The following IKZF1 variants were observed in gnomAD, a reference collection of about 807,000 sequenced individuals.
IKZF1 encodes the protein DNA-binding protein Ikaros.
In IKZF1, 10 loss-of-function variants were observed where a neutral mutation model predicts 51.7. The ratio of observed to expected loss-of-function variants is 0.19; its 90% CI spans 0.12 to 0.33. The LOEUF (loss-of-function observed/expected upper bound fraction) is 0.33. Among genes scored for constraint, IKZF1 ranks in the 10% least tolerant of loss-of-function variants. The probability of loss-of-function intolerance (pLI) is 1.00; values close to 1 mark genes in which losing one functional copy is unlikely to be tolerated. For synonymous variants in IKZF1, 280 were observed against 282.3 expected (o/e 0.99, Z 0.08); for missense variants, 484 against 707.5 (o/e 0.68, Z 3.58).
chr7:50,337,042 T>C (rs1382102800), intron 3 of IKZF1, among the ~76,000 whole-genome samples: 2 of 150,928 alleles, frequency 1.3e-5, no homozygotes, highest in Non-Finnish European at 3.0e-5. Context: ...TAGAAAGAGG[T>C]GTCTGGGGGT....
chr7:50,378,362 A>G (rs1482385663), intron 4 of IKZF1, among the ~76,000 whole-genome samples: 1 of 152,202 alleles, frequency 6.6e-6, no homozygotes, highest in African/African-American at 2.4e-5. Flanking sequence ...CGTGCATGAG[A>G]GTAGTCCCAG....
At chr7:50,332,505 A>AG (rs1796633517) in intron 3 of IKZF1, among the ~76,000 whole-genome samples, 2 of 152,216 alleles carry the variant, frequency 1.3e-5, no homozygotes, top group Non-Finnish European at 2.9e-5. Context: ...AAAAGACCAG[A>AG]GGACAGAGAA....
At chr7:50,396,603 A>G (rs1816773587) in intron 7 of IKZF1, among the ~76,000 whole-genome samples, 1 of 152,266 alleles carries the variant, frequency 6.6e-6, no homozygotes, top group South Asian at 2.1e-4. Context: ...ATATTTTCCT[A>G]GTAACCCTGA....
intron 3 of IKZF1, among the ~76,000 whole-genome samples, chr7:50,354,230 A>G (rs1658907687): frequency 2.0e-5 from 3 of 152,214 alleles, no homozygotes; most frequent in Non-Finnish European, 4.4e-5. Context: ...ATGAACGGTG[A>G]TCCTGGGGAG....
chr7:50,353,319 C>T (rs1244695875), intron 3 of IKZF1, among the ~76,000 whole-genome samples: 1 of 152,240 alleles, frequency 6.6e-6, no homozygotes, highest in Non-Finnish European at 1.5e-5. Context: ...GCCAGCCACA[C>T]TCTTGCCATG....
intron 3 of IKZF1, among the ~76,000 whole-genome samples, chr7:50,338,095 A>T (rs1019382461): frequency 1.3e-5 from 2 of 152,272 alleles, no homozygotes; most frequent in African/African-American, 4.8e-5. Context: ...TTAAAAAAAA[A>T]CTATAGAGAA....
At chr7:50,326,028 G>T (rs879512070) in intron 2 of IKZF1, among the ~76,000 whole-genome samples, 78 of 152,192 alleles carry the variant, frequency 5.1e-4, no homozygotes, top group African/African-American at 1.8e-3. Flanking sequence ...ATTAAATTGT[G>T]ATGTCTGTTT....
chr7:50,312,928 A>T (rs1790553405), intron 1 of IKZF1, among the ~76,000 whole-genome samples: 2 of 151,942 alleles, frequency 1.3e-5, no homozygotes, highest in Non-Finnish European at 2.9e-5. Flanking sequence ...CACCAGCAAT[A>T]CTCTGTGGAA....
intron 3 of IKZF1, among the ~76,000 whole-genome samples, chr7:50,342,804 C>A (rs1799359355): frequency 6.6e-6 from 1 of 152,218 alleles, no homozygotes; most frequent in Non-Finnish European, 1.5e-5. Context: ...AGACCCCAGC[C>A]TTCCTGTGAA....
In IKZF1 at chr7:50,404,093, C is replaced by T. The variant is rs553816570; in HGVS notation, c.*3466C>T. On this transcript the variant is annotated 3_prime_UTR_variant, in exon 8 of 8. Coordinates refer to ENST00000331340, the MANE Select transcript of IKZF1 (RefSeq NM_006060.6). ...AAAGAAGCACATAATGCTTTTGGTG[C>T]GATGGCACTCACTGTGAACATGTGT... 25 of 214,246 alleles carry T rather than the reference C, an allele frequency of 1.2e-4. No homozygotes were observed. Among genetic ancestry groups the T allele is most frequent in the Admixed American group, 3.5e-4 (6 of 17,146 alleles). The allele number at this position is 214,246 out of a possible 1,614,324, so 13.3% of individuals were successfully genotyped here. A position where few individuals can be genotyped will look rare whatever the true frequency, so the allele number is the denominator to read the frequency against.
At position 50,345,363 on chromosome 7, in the gene IKZF1, T is replaced by G. The variant is rs555769264; in HGVS notation, c.160+17606T>G. On this transcript the variant is annotated intron_variant, in intron 3 of 7. Coordinates refer to ENST00000331340, the MANE Select transcript of IKZF1 (RefSeq NM_006060.6). ...CTGAATCAGTTACAAGATATTGGAC[T>G]AGAGATCATGGCAAATCAGAGGTAC... Among the ~76,000 whole-genome samples, 531 of 152,320 alleles carry G rather than the reference T, an allele frequency of 3.5e-3. 5 individuals are homozygous for G. The highest frequency in any genetic ancestry group is 0.012 in the African/African-American group (508 of 41,554).
rs1415451619 is a variant in IKZF1, at chr7:50,400,055, C to G, written c.988C>G (p.Leu330Val). 6.2e-7 allele frequency: 1 copy of G among 1,605,926 alleles called. No homozygotes were observed. The highest frequency in any genetic ancestry group is 8.5e-7 in the Non-Finnish European group (1 of 1,176,790). ...NYLGAESLRP[L>V]VQTPPGGSEV... ...CCTGGGGGCCGAGTCCCTGCGCCCG[C>G]TGGTGCAGACGCCCCCGGGCGGTTC... Residue 330 changes from leucine to valine, a missense_variant, in exon 8 of 8, where the codon CTG becomes GTG. Physicochemically the swap from Leu to Val is conservative, Grantham distance 32. Around this residue, in one of 6 missense-constraint regions of IKZF1, gnomAD observed 172 missense variants for 192.7 expected, o/e 0.89. Transcript: ENST00000331340. This position sits in a 1 kb window ranked among gnomAD's most constrained non-coding sequence, Gnocchi z 5.4.
At chr7:50,383,903 G>A (rs1480633242) in intron 5 of IKZF1, among the ~76,000 whole-genome samples, 2 of 152,248 alleles carry the variant, frequency 1.3e-5, no homozygotes, top group Admixed American at 6.5e-5. Context: ...GGGTTTTAGA[G>A]GCTGCTCATT....
upstream of IKZF1, chr7:50,304,574 C>A: frequency 1.3e-5 from 2 of 151,102 alleles, no homozygotes; most frequent in South Asian, 2.1e-4. Flanking sequence ...GGCAGCCGGT[C>A]GGCCGGGAGC....
chr7:50,314,849 C>A (rs1339517130), intron 1 of IKZF1, among the ~76,000 whole-genome samples: 1 of 152,244 alleles, frequency 6.6e-6, no homozygotes, highest in African/African-American at 2.4e-5. Context: ...AGGCTCCTCA[C>A]CTGGAAGCAG....
chr7:50,325,330 T>C (rs1794660873), intron 2 of IKZF1, among the ~76,000 whole-genome samples: 1 of 149,908 alleles, frequency 6.7e-6, no homozygotes, highest in Non-Finnish European at 1.5e-5. Flanking sequence ...TCCTGGGAGT[T>C]TGAACACCAT....
chr7:50,321,256 G>A lies in IKZF1; in HGVS notation c.40+2155G>A, dbSNP rs150334754. 9.2e-5 allele frequency among the ~76,000 whole-genome samples: 14 copies of A among 152,220 alleles called. No homozygotes were observed. The East Asian group carries it at 2.1e-3, about 23-fold the overall frequency. On this transcript the variant is annotated intron_variant, in intron 2 of 7. Coordinates refer to ENST00000331340, the MANE Select transcript of IKZF1 (RefSeq NM_006060.6). The stretch of plus-strand genomic sequence containing the variant: ...TTATTTGAATTTATTTTCCTTAAGC[G>A]TTTACTTTGTTTCGTAAACAAAAAA...
chr7:50,388,770 C>A (rs1814151246), intron 6 of IKZF1, among the ~76,000 whole-genome samples: 1 of 152,122 alleles, frequency 6.6e-6, no homozygotes, highest in South Asian at 2.1e-4. Context: ...TGATTATGTT[C>A]CTTTGAAATA....
chr7:50,348,931 G>A (rs1801105571), intron 3 of IKZF1, among the ~76,000 whole-genome samples: 1 of 152,168 alleles, frequency 6.6e-6, no homozygotes, highest in Non-Finnish European at 1.5e-5. Context: ...CTTCACAGAT[G>A]AGGAAGGTCC....
Sources: gnomAD v4.1 joint callset for allele counts (sites outside exome capture counted in the v4.1 genomes callset) on GRCh38, gnomAD v4.1.1 for gene constraint, gnomAD v4.1.1 regional missense constraint, Gnocchi (gnomAD v3.1) non-coding constraint, MANE v1.5 for transcripts, NCBI Gene and HGNC (gene_info 2026-07-23, HGNC 2026-07-21) for gene names.